Variants in USP6NL observed in about 807,000 individuals in gnomAD.
USP6NL encodes the protein USP6 N-terminal like.
A neutral mutation model predicts 61.9 loss-of-function variants in USP6NL; 26 were observed. That is an observed-to-expected ratio of 0.42 (90% CI 0.31 to 0.58). The LOEUF (loss-of-function observed/expected upper bound fraction) is 0.58. Among genes scored for constraint, USP6NL ranks in the 20% least tolerant of loss-of-function variants. The probability of loss-of-function intolerance (pLI) is 0.16; values close to 1 mark genes in which losing one functional copy is unlikely to be tolerated. For missense variants in USP6NL, 1,114 were observed against 1,034.3 expected (o/e 1.08, Z -1.06); for synonymous variants, 432 against 390.1 (o/e 1.11, Z -1.27).
rs147312235 is a variant in USP6NL at position 11,571,198 on chromosome 10, C to A, written c.4+26433G>T. ...TCCCGGGTTCAAGCGATTCTCCTGC[C>A]TCAGCCTCCTGAGTAGCTGGGATTA... On this transcript the variant is annotated intron_variant, in intron 2 of 14. Transcript: ENST00000609104. 2.0e-3 allele frequency among the ~76,000 whole-genome samples: 308 copies of A among 152,164 alleles called. 1 individual carries two copies. Among genetic ancestry groups the A allele is most frequent in the African/African-American group, 6.8e-3 (282 of 41,514 alleles).
Position 11,495,693 on chromosome 10 carries a change from A to AT in USP6NL, c.385-2466dup, listed in dbSNP as rs1833892899. Among the ~76,000 whole-genome samples the AT allele has an allele frequency of 6.6e-6, 1 of 152,032 alleles. No homozygotes were observed. The highest frequency in any genetic ancestry group is 2.1e-4 in the South Asian group (1 of 4,834). On this transcript the variant is annotated intron_variant, in intron 7 of 14. Coordinates refer to ENST00000609104, the MANE Select transcript of USP6NL (RefSeq NM_014688.5). This position sits in a 1 kb window ranked among gnomAD's most constrained non-coding sequence, Gnocchi z 4.6. ...TACTTGTTTTATGGATGCAGTATCT[A>AT]TTTTTCTCTGAAGATATTAAAAATA... is the stretch of plus-strand genomic sequence containing the variant.
At chr10:11,488,770 T>G (rs1453262611) in intron 10 of USP6NL, among the ~76,000 whole-genome samples, 1 of 152,240 alleles carries the variant, frequency 6.6e-6, no homozygotes, top group African/African-American at 2.4e-5. Flanking sequence ...AAGTTTTGAT[T>G]AAAAGGCATC....
chr10:11,605,815 T>A (rs1332900130), intron 1 of USP6NL, among the ~76,000 whole-genome samples: 1 of 151,924 alleles, frequency 6.6e-6, no homozygotes, highest in Non-Finnish European at 1.5e-5. Context: ...AAGAAAATAT[T>A]CAAAACAAAA....
At chr10:11,590,351 C>T in intron 2 of USP6NL, among the ~76,000 whole-genome samples, 1 of 152,054 alleles carries the variant, frequency 6.6e-6, no homozygotes, top group East Asian at 1.9e-4. Flanking sequence ...TACAATGGCA[C>T]CCATCACATA....
At chr10:11,567,382 T>C (rs1424760510) in intron 2 of USP6NL, among the ~76,000 whole-genome samples, 1 of 152,190 alleles carries the variant, frequency 6.6e-6, no homozygotes, top group Admixed American at 6.5e-5. Context: ...AATGGACTCA[T>C]TTTTCTTTAA....
chr10:11,558,608 A>G (rs1836805316), intron 2 of USP6NL, among the ~76,000 whole-genome samples: 1 of 152,158 alleles, frequency 6.6e-6, no homozygotes, highest in Admixed American at 6.5e-5. Context: ...GGAACCCATA[A>G]TCAAACCACA....
At chr10:11,534,566 C>T (rs568728453) in intron 2 of USP6NL, among the ~76,000 whole-genome samples, 1 of 152,216 alleles carries the variant, frequency 6.6e-6, no homozygotes, top group South Asian at 2.1e-4. Flanking sequence ...TAAAAGCTTA[C>T]ATATAAAGAC....
At chr10:11,483,781 GAC>G (rs1277956651) in intron 13 of USP6NL, among the ~76,000 whole-genome samples, 1 of 152,006 alleles carries the variant, frequency 6.6e-6, no homozygotes, top group Non-Finnish European at 1.5e-5. Flanking sequence ...AATCCTGGAA[GAC>G]ACATAGTCAA....
chr10:11,512,588 C>A (rs1465398968), intron 5 of USP6NL, among the ~76,000 whole-genome samples: 1 of 152,204 alleles, frequency 6.6e-6, no homozygotes, highest in Non-Finnish European at 1.5e-5. Context: ...CAGAATGTGG[C>A]CCCAATTCAC....
At chr10:11,580,290 A>G (rs1837708672) in intron 2 of USP6NL, among the ~76,000 whole-genome samples, 1 of 152,202 alleles carries the variant, frequency 6.6e-6, no homozygotes, top group South Asian at 2.1e-4. Flanking sequence ...TCCTAATTAG[A>G]TAAATCAAAA....
chr10:11,516,681 C>T (rs1454732804), intron 5 of USP6NL, among the ~76,000 whole-genome samples: 13 of 152,044 alleles, frequency 8.6e-5, no homozygotes, highest in Admixed American at 8.5e-4. Context: ...TGTCCCCACC[C>T]CCAAATAAAA....
intron 13 of USP6NL, among the ~76,000 whole-genome samples, chr10:11,484,005 G>T (rs867539092): frequency 6.6e-6 from 1 of 152,120 alleles, no homozygotes; most frequent in Admixed American, 6.6e-5. Context: ...AGTAAAGTCC[G>T]TAACATGTAC....
chr10:11,549,507 C>A (rs1038171754), intron 2 of USP6NL, among the ~76,000 whole-genome samples: 1 of 152,138 alleles, frequency 6.6e-6, no homozygotes, highest in Non-Finnish European at 1.5e-5. Context: ...TGGTGATAAG[C>A]CTTTTCTCCC....
chr10:11,523,599 T>C lies in USP6NL; in HGVS notation c.155+1787A>G, dbSNP rs1247901408. Among the ~76,000 whole-genome samples the C allele has an allele frequency of 5.9e-5, 9 of 152,146 alleles. No individual in the cohort carries two copies. The East Asian group carries it at 1.7e-3, about 29-fold the overall frequency. On this transcript the variant is annotated intron_variant, in intron 4 of 14. Transcript: ENST00000609104. ...TAAAATTTTACATTGGAATCCATAA[T>C]GCTAAAAAGCCAAATACAGCATTTG...
intron 14 of USP6NL, among the ~76,000 whole-genome samples, chr10:11,473,401 A>G (rs1470791197): frequency 6.6e-6 from 1 of 152,174 alleles, no homozygotes; most frequent in African/African-American, 2.4e-5. Flanking sequence ...GGCACAAAAC[A>G]CAGGTGCAGG....
At chr10:11,555,033 T>A (rs1009364763) in intron 2 of USP6NL, among the ~76,000 whole-genome samples, 3 of 146,232 alleles carry the variant, frequency 2.1e-5, no homozygotes, top group Non-Finnish European at 4.5e-5. Context: ...CTCGATCTCC[T>A]GACCTCATGA....
Position 11,595,543 on chromosome 10 carries a change from G to A in USP6NL, c.4+2088C>T, listed in dbSNP as rs895788602. Among the ~76,000 whole-genome samples, 9 of 152,090 alleles carry A rather than the reference G, an allele frequency of 5.9e-5. No homozygotes were observed. Among genetic ancestry groups the A allele is most frequent in the African/African-American group, 7.2e-5 (3 of 41,410 alleles). On this transcript the variant is annotated intron_variant, in intron 2 of 14. Transcript: ENST00000609104. The surrounding 1 kb of genome is among the most constrained non-coding windows in gnomAD (Gnocchi z 5.3). ...GTGATGTTCTCAACGTCACCATGGG[G>A]CCAGGGCTCTGACCCACTAACACAG...
intron 2 of USP6NL, among the ~76,000 whole-genome samples, chr10:11,549,573 CTTTAT>C (rs1001628247): frequency 6.6e-5 from 10 of 152,096 alleles, no homozygotes; most frequent in East Asian, 1.9e-4. Flanking sequence ...TAAGCAGCTA[CTTTAT>C]TTTATGTATA....
chr10:11,575,549 T>G lies in USP6NL; in HGVS notation c.4+22082A>C, dbSNP rs574692745. Among the ~76,000 whole-genome samples the G allele has an allele frequency of 6.6e-6, 1 of 152,356 alleles. No homozygotes were observed. The highest frequency in any genetic ancestry group is 1.9e-4 in the East Asian group (1 of 5,192). On this transcript the variant is annotated intron_variant, in intron 2 of 14. Transcript: ENST00000609104. This position sits in a 1 kb window ranked among gnomAD's most constrained non-coding sequence, Gnocchi z 4.2. ...TACCTGGCCAGGGAAGAGAGGAGTA[T>G]CTAAATTCATGTCTCATAAATTTCA...
Sources: gnomAD v4.1 joint callset for allele counts (sites outside exome capture counted in the v4.1 genomes callset) on GRCh38, gnomAD v4.1.1 for gene constraint, Gnocchi (gnomAD v3.1) non-coding constraint, MANE v1.5 for transcripts, NCBI Gene and HGNC (gene_info 2026-07-23, HGNC 2026-07-21) for gene names.